Variants in PKIG observed in about 807,000 individuals in gnomAD.
The protein encoded by PKIG is protein kinase (cAMP-dependent, catalytic) inhibitor gamma.
Under a neutral mutation model 6.8 loss-of-function variants are expected in PKIG, and 1 was observed. The observed-to-expected ratio is 0.15, with a 90% CI of 0.05 to 0.69. The LOEUF (loss-of-function observed/expected upper bound fraction) is 0.69. Among genes scored for constraint, PKIG ranks in the 30% least tolerant of loss-of-function variants. PKIG has a pLI of 0.82. For synonymous variants in PKIG, 39 were observed against 43.0 expected, an observed-to-expected ratio of 0.91 and a Z score of 0.36; for missense variants, 77 against 104.0, an observed-to-expected ratio of 0.74 and a Z score of 1.13.
At chr20:44,552,347 TC>T (rs962322505) in intron 1 of PKIG, among the ~76,000 whole-genome samples, 1 of 152,216 alleles carries the variant, frequency 6.6e-6, no homozygotes, top group African/African-American at 2.4e-5. Context: ...CACATATGTT[TC>T]AGTAGTAATT....
At chr20:44,559,033 A>G (rs1289594456) in intron 1 of PKIG, among the ~76,000 whole-genome samples, 1 of 152,212 alleles carries the variant, frequency 6.6e-6, no homozygotes, top group African/African-American at 2.4e-5. Context: ...CTCAGTATGT[A>G]TAAGCACCTA....
chr20:44,598,028 G>T (rs1271338247), intron 2 of PKIG, among the ~76,000 whole-genome samples: 1 of 152,252 alleles, frequency 6.6e-6, no homozygotes, highest in Non-Finnish European at 1.5e-5. Context: ...TGGCTGGGCA[G>T]TTCTGGCTTG....
intron 1 of PKIG, among the ~76,000 whole-genome samples, chr20:44,568,640 G>A (rs1462135091): frequency 2.0e-5 from 3 of 151,978 alleles, no homozygotes; most frequent in African/African-American, 4.8e-5. Context: ...TAGTAGAGAC[G>A]GCGTTTCACC....
Position 44,558,372 on chromosome 20 carries a change from A to G in PKIG, c.-240-24213A>G, listed in dbSNP as rs244124. Among the ~76,000 whole-genome samples the G allele has an allele frequency of 3.1e-3, 477 of 152,262 alleles. 1 individual carries two copies. The highest frequency in any genetic ancestry group is 0.011 in the African/African-American group (446 of 41,512). On this transcript the variant is annotated intron_variant, in intron 1 of 4. Transcript: ENST00000372887. ...AACTGAGACTTGATATGTGGACTAT[A>G]TGATTGATCGATTGGTTGATTTTGG...
At chr20:44,605,618 A>T (rs182432432) in intron 2 of PKIG, among the ~76,000 whole-genome samples, 1 of 152,122 alleles carries the variant, frequency 6.6e-6, no homozygotes. Flanking sequence ...GGGAAGCCAT[A>T]AAAGTACTAG....
At chr20:44,570,990 T>C (rs2064849140) in intron 1 of PKIG, among the ~76,000 whole-genome samples, 1 of 152,076 alleles carries the variant, frequency 6.6e-6, no homozygotes, top group South Asian at 2.1e-4. Flanking sequence ...TTCCAGCACT[T>C]TGGGAGGCCG....
At chr20:44,581,515 G>T (rs559149409), upstream of PKIG, among the ~76,000 whole-genome samples, 46 of 152,288 alleles carry the variant, frequency 3.0e-4, no homozygotes, top group African/African-American at 1.1e-3. Flanking sequence ...CATTGTACAC[G>T]AAAGTAGAGA....
chr20:44,599,396 G>A (rs2065101324), intron 2 of PKIG, among the ~76,000 whole-genome samples: 2 of 152,176 alleles, frequency 1.3e-5, no homozygotes, highest in East Asian at 3.9e-4. Flanking sequence ...ATGCTTGTAA[G>A]ATGCTTAGCA....
At chr20:44,542,636 G>C (rs1317407893) in intron 1 of PKIG, among the ~76,000 whole-genome samples, 1 of 151,872 alleles carries the variant, frequency 6.6e-6, no homozygotes, top group Non-Finnish European at 1.5e-5. Flanking sequence ...TCCCAGGCTG[G>C]AGTGCAGTGG....
chr20:44,610,493 C>CTG, intron 2 of PKIG, among the ~76,000 whole-genome samples: 1 of 143,974 alleles, frequency 6.9e-6, no homozygotes, highest in South Asian at 2.2e-4. Context: ...TCTTCTCTCT[C>CTG]TCTCTCTCAC....
chr20:44,597,652 C>A (rs531703459), intron 2 of PKIG, among the ~76,000 whole-genome samples: 17 of 152,310 alleles, frequency 1.1e-4, no homozygotes, highest in Non-Finnish European at 4.4e-5. Context: ...TGGAAAGCAG[C>A]AGAACAGTCC....
chr20:44,596,526 G>C (rs148567384), intron 2 of PKIG, among the ~76,000 whole-genome samples: 1 of 152,358 alleles, frequency 6.6e-6, no homozygotes, highest in African/African-American at 2.4e-5. Context: ...TCTACACTCT[G>C]CTCAAGTAGT....
chr20:44,598,987 GA>G (rs1290144085), intron 2 of PKIG: 2 of 152,204 alleles, frequency 1.3e-5, no homozygotes, highest in Non-Finnish European at 2.9e-5. Flanking sequence ...AGAATCAAGA[GA>G]GTCAACCCAA....
chr20:44,605,406 C>CAAAA (rs34277645), intron 2 of PKIG, among the ~76,000 whole-genome samples: 2 of 37,314 alleles, frequency 5.4e-5, no homozygotes, highest in Non-Finnish European at 1.1e-4. Flanking sequence ...GACTCCGTCT[C>CAAAA]AAAAAAAAAA....
At chr20:44,567,909 G>A (rs2064823478) in intron 1 of PKIG, among the ~76,000 whole-genome samples, 1 of 152,176 alleles carries the variant, frequency 6.6e-6, no homozygotes. Flanking sequence ...ACTTTGGGAG[G>A]CTGAGGCTGG....
intron 1 of PKIG, among the ~76,000 whole-genome samples, chr20:44,541,000 G>A (rs184048790): frequency 1.3e-5 from 2 of 152,300 alleles, no homozygotes; most frequent in Admixed American, 6.5e-5. Context: ...AGAGGGGAAG[G>A]AAGTTAGGAC....
At chr20:44,599,811 C>G (rs970520122) in intron 2 of PKIG, among the ~76,000 whole-genome samples, 1 of 152,170 alleles carries the variant, frequency 6.6e-6, no homozygotes, top group African/African-American at 2.4e-5. Flanking sequence ...TGTGAGCCCT[C>G]CCATTTTATA....
At chr20:44,536,504 G>C (rs2064513598) in intron 1 of PKIG, among the ~76,000 whole-genome samples, 1 of 152,168 alleles carries the variant, frequency 6.6e-6, no homozygotes. Flanking sequence ...GAATCAACAG[G>C]ACTTGACCAA....
chr20:44,617,346 A>G (rs2065274543), intron 3 of PKIG, among the ~76,000 whole-genome samples: 1 of 152,138 alleles, frequency 6.6e-6, no homozygotes, highest in Non-Finnish European at 1.5e-5. Flanking sequence ...AGCTCTGCCC[A>G]CATGCCAGGC....
Sources: gnomAD v4.1 joint callset for allele counts (sites outside exome capture counted in the v4.1 genomes callset) on GRCh38, gnomAD v4.1.1 for gene constraint, MANE v1.5 for transcripts, NCBI Gene and HGNC (gene_info 2026-07-23, HGNC 2026-07-21) for gene names.